The following RHBDL2 variants were observed in gnomAD, a reference collection of about 807,000 sequenced individuals.
RHBDL2 encodes the protein rhomboid like 2.
A neutral mutation model predicts 31.7 loss-of-function variants in RHBDL2; 26 were observed. That is an observed-to-expected ratio of 0.82 (90% CI 0.60 to 1.14). The LOEUF (loss-of-function observed/expected upper bound fraction) is 1.14. Ranked by LOEUF, RHBDL2 falls within the 50% of genes most tolerant of loss-of-function variation. The pLI is 0.00. For missense variants in RHBDL2, 336 were observed against 364.4 expected (o/e 0.92, Z 0.63); for synonymous variants, 123 against 127.2 (o/e 0.97, Z 0.22).
At chr1:38,939,677 C>A (rs531242613) in intron 1 of RHBDL2, among the ~76,000 whole-genome samples, 3 of 152,102 alleles carry the variant, frequency 2.0e-5, no homozygotes, top group Admixed American at 1.3e-4. Flanking sequence ...GTAGCTGAGA[C>A]TACAGGTGCA....
At chr1:38,912,465 C>T (rs1042046544) in intron 3 of RHBDL2, among the ~76,000 whole-genome samples, 2 of 151,516 alleles carry the variant, frequency 1.3e-5, no homozygotes, top group African/African-American at 2.4e-5. Flanking sequence ...AGTGCAGTGT[C>T]TCGATTTCGA....
In RHBDL2 at chr1:38,896,021, G is replaced by T; in HGVS notation, c.557C>A (p.Ala186Asp). 1 of 1,613,908 alleles carries T rather than the reference G, an allele frequency of 6.2e-7. No homozygotes were observed. Among genetic ancestry groups the T allele is most frequent in the Non-Finnish European group, 8.5e-7 (1 of 1,179,928 alleles). Residue 186 changes from alanine (A) to aspartate (D), a missense_variant, in exon 5 of 8, where the codon GCT (alanine) becomes GAT (aspartate). Coordinates refer to ENST00000372990, the MANE Select transcript of RHBDL2 (RefSeq NM_017821.5). ...IFDPLRYLVG[A>D]SGGVYALMGG... ...CATCAGAGCATAGACTCCTCCTGAA[G>T]CTCCCACAAGATATCTGAGTGGGTC...
intron 5 of RHBDL2, among the ~76,000 whole-genome samples, chr1:38,895,293 G>A (rs1329568653): frequency 3.3e-5 from 5 of 151,936 alleles, no homozygotes; most frequent in Admixed American, 6.6e-5. Context: ...TGAAGTAGCC[G>A]TTCTTTTATT....
intron 1 of RHBDL2, among the ~76,000 whole-genome samples, chr1:38,920,169 T>TTC (rs1553159771): frequency 2.8e-5 from 4 of 142,228 alleles, no homozygotes; most frequent in African/African-American, 8.0e-5. Context: ...ATGTTTTCTT[T>TTC]TTTTTTTTTT....
In RHBDL2 at chr1:38,897,291, G is replaced by A. The variant is rs1207533067; in HGVS notation, c.509-1222C>T. Among the ~76,000 whole-genome samples, 6 of 151,978 alleles carry A rather than the reference G, an allele frequency of 3.9e-5. No individual in the cohort carries two copies. The South Asian group carries it at 6.2e-4, about 16-fold the overall frequency. On this transcript the variant is annotated intron_variant, in intron 4 of 7. Transcript: ENST00000372990. ...AATTTTTTGTGTTTTTAGTAGAGAC[G>A]GGGTTTCACCATGTTAGCCAGGATG... is the stretch of plus-strand genomic sequence containing the variant.
Position 38,896,032 on chromosome 1 carries a change from A to G in RHBDL2, c.546T>C (p.Tyr182=). 6.2e-7 allele frequency: 1 copy of G among 1,614,014 alleles called. No homozygotes were observed. The highest frequency in any genetic ancestry group is 8.5e-7 in the Non-Finnish European group (1 of 1,179,924). The change falls in exon 5 of 8, where the codon TAT becomes TAC. Residue 182 remains tyrosine, a synonymous_variant. Coordinates refer to ENST00000372990, the MANE Select transcript of RHBDL2 (RefSeq NM_017821.5). ...AGACTCCTCCTGAAGCTCCCACAAGATATCTGAGTGGGTCAAAGATGGAGC... is the reference window on the plus strand; with the variant it reads ...AGACTCCTCCTGAAGCTCCCACAAGGTATCTGAGTGGGTCAAAGATGGAGC... ...LASSIFDPLR[Y]LVGASGGVYA...
chr1:38,914,430 C>T (rs1003843473), intron 3 of RHBDL2, among the ~76,000 whole-genome samples: 3 of 151,496 alleles, frequency 2.0e-5, no homozygotes, highest in Non-Finnish European at 2.9e-5. Flanking sequence ...TTAGTAGAGA[C>T]GGGGTTTTAC....
intron 1 of RHBDL2, among the ~76,000 whole-genome samples, chr1:38,934,978 T>A (rs1488784291): frequency 6.6e-6 from 1 of 151,802 alleles, no homozygotes; most frequent in African/African-American, 2.4e-5. Context: ...AAAATTTTTT[T>A]AAAGAAGCTC....
Position 38,896,032 on chromosome 1 carries a change from A to T in RHBDL2, c.546T>A (p.Tyr182Ter). The change falls in exon 5 of 8, where the codon TAT becomes TAA. Residue 182 changes from tyrosine to a stop codon, truncating the protein, a stop_gained. Coordinates refer to ENST00000372990, the MANE Select transcript of RHBDL2 (RefSeq NM_017821.5). LOFTEE classifies it high-confidence loss of function. ...AGACTCCTCCTGAAGCTCCCACAAG[A>T]TATCTGAGTGGGTCAAAGATGGAGC... ...LASSIFDPLR[Y>*]LVGASGGVYA... 5 of 1,614,014 alleles carry T rather than the reference A, an allele frequency of 3.1e-6. No homozygotes were observed. The highest frequency in any genetic ancestry group is 4.2e-6 in the Non-Finnish European group (5 of 1,179,924).
chr1:38,941,649 T>C, intron 1 of RHBDL2, 33 bp downstream of exon 1: 1 of 152,666 alleles, frequency 6.6e-6, no homozygotes, highest in Non-Finnish European at 1.5e-5. Flanking sequence ...GACATAGGAC[T>C]CCCTCCACTC....
At chr1:38,917,433 G>A (rs1214572826) in intron 2 of RHBDL2, among the ~76,000 whole-genome samples, 2 of 152,150 alleles carry the variant, frequency 1.3e-5, no homozygotes, top group Non-Finnish European at 2.9e-5. Context: ...CTCAGCATCT[G>A]CTCCATGAGC....
At chr1:38,932,351 C>G (rs1643447630) in intron 1 of RHBDL2, among the ~76,000 whole-genome samples, 2 of 152,210 alleles carry the variant, frequency 1.3e-5, no homozygotes. Flanking sequence ...TTGAATACAG[C>G]TGTGAATGAC....
At chr1:38,937,290 G>A (rs1643521229) in intron 1 of RHBDL2, among the ~76,000 whole-genome samples, 1 of 152,164 alleles carries the variant, frequency 6.6e-6, no homozygotes, top group African/African-American at 2.4e-5. Flanking sequence ...CGAGTCTGTA[G>A]TAGAGGCACA....
At chr1:38,933,993 G>T (rs779634634) in intron 1 of RHBDL2, among the ~76,000 whole-genome samples, 1 of 152,120 alleles carries the variant, frequency 6.6e-6, no homozygotes, top group East Asian at 1.9e-4. Context: ...CTCCCAAAGA[G>T]CTGGGATTAC....
chr1:38,924,736 T>A (rs1180312918), intron 1 of RHBDL2, among the ~76,000 whole-genome samples: 1 of 150,350 alleles, frequency 6.7e-6, no homozygotes, highest in African/African-American at 2.5e-5. Context: ...CTCAGGACAA[T>A]TGACTACCTT....
chr1:38,905,632 A>C (rs913656950), intron 4 of RHBDL2, among the ~76,000 whole-genome samples: 6 of 151,298 alleles, frequency 4.0e-5, no homozygotes, highest in Non-Finnish European at 7.4e-5. Context: ...GCATGCCTGT[A>C]ATCCCAACTA....
intron 2 of RHBDL2, 134 bp downstream of exon 2, chr1:38,918,833 G>T: frequency 9.6e-7 from 1 of 1,046,834 alleles, no homozygotes; most frequent in Non-Finnish European, 1.4e-6. Flanking sequence ...CAGAGGTGAG[G>T]TGTGTGCTGT....
chr1:38,889,734 G>T (rs901534015), intron 6 of RHBDL2, among the ~76,000 whole-genome samples: 2 of 152,236 alleles, frequency 1.3e-5, no homozygotes, highest in African/African-American at 2.4e-5. Context: ...TGGCCTAGAA[G>T]AACTCTGCCC....
At chr1:38,897,365 G>C (rs1642932049) in intron 4 of RHBDL2, among the ~76,000 whole-genome samples, 2 of 152,144 alleles carry the variant, frequency 1.3e-5, no homozygotes, top group African/African-American at 4.8e-5. Context: ...CTCCCAAAGT[G>C]CTGGGATTAC....
Sources: allele counts gnomAD v4.1 joint callset (sites outside exome capture counted in the v4.1 genomes callset), GRCh38; gene constraint gnomAD v4.1.1; transcripts MANE v1.5; gene names NCBI Gene and HGNC (gene_info 2026-07-23, HGNC 2026-07-21).